The following GRM7 variants were observed in gnomAD, a reference collection of about 807,000 sequenced individuals.
GRM7 encodes metabotropic glutamate receptor 7.
Under a neutral mutation model 84.5 loss-of-function variants are expected in GRM7, and 35 were observed. That is an observed-to-expected ratio of 0.41 (90% CI 0.32 to 0.55). GRM7 has a LOEUF of 0.55. GRM7 is among the 20% of genes least tolerant of loss of function. GRM7 has a pLI of 0.19. For synonymous variants in GRM7, 487 were observed against 455.1 expected, an observed-to-expected ratio of 1.07 and a Z score of -0.89; for missense variants, 1,003 against 1,194.6, an observed-to-expected ratio of 0.84 and a Z score of 2.36.
chr3:7,592,797 C>A (rs73809448), intron 8 of GRM7, among the ~76,000 whole-genome samples: 7,237 of 152,112 alleles, frequency 0.048, 475 homozygotes, highest in African/African-American at 0.14. Context: ...TATATGGAAC[C>A]GAGAAACCTT....
chr3:7,382,582 C>A (rs1694632018), intron 4 of GRM7, among the ~76,000 whole-genome samples: 1 of 152,004 alleles, frequency 6.6e-6, no homozygotes, highest in African/African-American at 2.4e-5. Flanking sequence ...TGAGTTCACT[C>A]TGAATAATAA....
At chr3:7,498,135 C>G (rs1699766288) in intron 7 of GRM7, among the ~76,000 whole-genome samples, 2 of 152,192 alleles carry the variant, frequency 1.3e-5, no homozygotes, top group South Asian at 4.1e-4. Flanking sequence ...ATAGCTTGCT[C>G]AGAGAAAATA....
intron 1 of GRM7, among the ~76,000 whole-genome samples, chr3:6,874,897 C>G (rs1385355061): frequency 6.6e-6 from 1 of 152,146 alleles, no homozygotes; most frequent in Non-Finnish European, 1.5e-5. Context: ...TTAAGAATCC[C>G]CACATGTTCC....
chr3:7,525,296 G>C (rs141889085), intron 7 of GRM7, among the ~76,000 whole-genome samples: 4 of 151,976 alleles, frequency 2.6e-5, no homozygotes, highest in Non-Finnish European at 4.4e-5. Context: ...TGTGGTACAC[G>C]TGTCGGAATT....
intron 2 of GRM7, among the ~76,000 whole-genome samples, chr3:7,160,574 C>G (rs1694592642): frequency 6.6e-6 from 1 of 152,126 alleles, no homozygotes; most frequent in Admixed American, 6.6e-5. Context: ...TGGCTACCAC[C>G]ACTGACTCCC....
At chr3:7,541,675 C>T (rs761401582) in intron 7 of GRM7, among the ~76,000 whole-genome samples, 2 of 152,188 alleles carry the variant, frequency 1.3e-5, no homozygotes, top group Admixed American at 6.5e-5. Flanking sequence ...TTAATCCAAT[C>T]GACGATCTCA....
intron 1 of GRM7, among the ~76,000 whole-genome samples, chr3:7,028,784 TA>T (rs35956870): frequency 6.6e-6 from 1 of 152,084 alleles, no homozygotes. Flanking sequence ...ATTGCTAAAA[TA>T]AAAAAGACTG....
intron 8 of GRM7, among the ~76,000 whole-genome samples, chr3:7,599,083 G>C (rs1208243498): frequency 6.6e-6 from 1 of 152,118 alleles, no homozygotes; most frequent in Admixed American, 6.6e-5. Flanking sequence ...ACAGATCTGA[G>C]AACAGAGACT....
At chr3:7,683,153 T>A (rs1700445672) in intron 9 of GRM7, among the ~76,000 whole-genome samples, 1 of 152,226 alleles carries the variant, frequency 6.6e-6, no homozygotes, top group Non-Finnish European at 1.5e-5. Context: ...AATATAATGA[T>A]GTTTGGTGGG....
At chr3:6,921,416 G>A (rs1697119914) in intron 1 of GRM7, among the ~76,000 whole-genome samples, 1 of 152,158 alleles carries the variant, frequency 6.6e-6, no homozygotes, top group Non-Finnish European at 1.5e-5. Context: ...GTCAGTACCT[G>A]TGCCCCGAGG....
At chr3:7,422,816 G>A (rs1696452406) in intron 5 of GRM7, among the ~76,000 whole-genome samples, 1 of 152,072 alleles carries the variant, frequency 6.6e-6, no homozygotes, top group South Asian at 2.1e-4. Flanking sequence ...CAATGAAGAA[G>A]AGTTCTGAAA....
At position 7,456,960 on chromosome 3, in the gene GRM7, G is replaced by A. The variant is rs535305537; in HGVS notation, c.1375+4153G>A. ...TTACTCATTCAATTTTCTGACTTTC[G>A]GTTAAAAAATCAAATCCTAGAGAAA... is the stretch of plus-strand genomic sequence containing the variant. On this transcript the variant is annotated intron_variant, in intron 6 of 9. Transcript: ENST00000357716. Among the ~76,000 whole-genome samples, 8 of 152,068 alleles carry A rather than the reference G, an allele frequency of 5.3e-5. No individual in the cohort carries two copies. The East Asian group carries it at 5.8e-4, about 11-fold the overall frequency.
Position 7,128,341 on chromosome 3 carries a change from C to T in GRM7, c.520-18111C>T, listed in dbSNP as rs1574939207. Among the ~76,000 whole-genome samples the T allele has an allele frequency of 4.0e-5, 6 of 151,856 alleles. No individual in the cohort carries two copies. In the South Asian group the frequency reaches 1.2e-3, roughly 32 times the overall value. On this transcript the variant is annotated intron_variant, in intron 1 of 9. Transcript: ENST00000357716. ...GAATATAAACATGACTCAAGTTTGA[C>T]TGCTGAAAACCAGACACCTAATACC...
intron 7 of GRM7, among the ~76,000 whole-genome samples, chr3:7,499,931 C>T (rs560650065): frequency 2.6e-5 from 4 of 152,182 alleles, no homozygotes; most frequent in South Asian, 2.1e-4. Context: ...CCCGTCACCA[C>T]GCCCGGCTAA....
chr3:7,109,077 C>A (rs892183737), intron 1 of GRM7, among the ~76,000 whole-genome samples: 1 of 151,920 alleles, frequency 6.6e-6, no homozygotes, highest in African/African-American at 2.4e-5. Context: ...GTGTCCATGG[C>A]CGAGTGCTGA....
chr3:7,344,284 C>CCT (rs1379652715), intron 4 of GRM7, among the ~76,000 whole-genome samples: 2 of 152,034 alleles, frequency 1.3e-5, no homozygotes, highest in African/African-American at 4.8e-5. Flanking sequence ...GTGTTGTTAC[C>CCT]CTCTATGTGT....
chr3:7,404,002 C>T (rs557747515), intron 4 of GRM7, among the ~76,000 whole-genome samples: 1 of 152,164 alleles, frequency 6.6e-6, no homozygotes, highest in African/African-American at 2.4e-5. Flanking sequence ...ATATCTGAAT[C>T]ACCTGGGAAG....
intron 1 of GRM7, among the ~76,000 whole-genome samples, chr3:7,102,288 C>G (rs1393789707): frequency 7.5e-6 from 1 of 132,872 alleles, no homozygotes; most frequent in Non-Finnish European, 1.5e-5. Flanking sequence ...ATTTTGCCTT[C>G]GTATGTATTT....
At chr3:7,008,945 AT>A (rs752662309) in intron 1 of GRM7, among the ~76,000 whole-genome samples, 37 of 152,322 alleles carry the variant, frequency 2.4e-4, no homozygotes, top group Non-Finnish European at 4.9e-4. Flanking sequence ...GATAATGACT[AT>A]CTCATAAAAT....
Sources: allele counts gnomAD v4.1 joint callset (sites outside exome capture counted in the v4.1 genomes callset), GRCh38; gene constraint gnomAD v4.1.1; transcripts MANE v1.5; gene names NCBI Gene and HGNC (gene_info 2026-07-23, HGNC 2026-07-21).